Variants in NHEJ1 observed in about 807,000 individuals in gnomAD.
NHEJ1 encodes non-homologous end-joining factor 1.
A neutral mutation model predicts 39.4 loss-of-function variants in NHEJ1; 22 were observed. The ratio of observed to expected loss-of-function variants is 0.56; its 90% CI spans 0.40 to 0.80. The LOEUF is 0.80. Among genes scored for constraint, NHEJ1 ranks in the 30% least tolerant of loss-of-function variants. The pLI is 0.00. For missense variants in NHEJ1, 329 were observed against 357.1 expected (o/e 0.92, Z 0.63); for synonymous variants, 154 against 135.6 (o/e 1.14, Z -0.94).
rs976062999 is a variant in NHEJ1, at chr2:219,160,746, C to A, written c.-27G>T. On this transcript the variant is annotated 5_prime_UTR_variant, in exon 1 of 8. Coordinates refer to ENST00000356853, the MANE Select transcript of NHEJ1 (RefSeq NM_024782.3). ...GTCAGCGGCCGCGAGAGCGCCCACTCTCTTAGCCGCACGCACGCTTTCCTG... is the reference window on the plus strand; with the variant it reads ...GTCAGCGGCCGCGAGAGCGCCCACTATCTTAGCCGCACGCACGCTTTCCTG... The A allele has an allele frequency of 5.9e-5, 9 of 152,548 alleles. No homozygotes were observed. The highest frequency in any genetic ancestry group is 1.7e-4 in the African/African-American group (7 of 41,604). 9.4% of individuals were successfully genotyped at this position (152,548 alleles called of 1,614,324 possible).
In NHEJ1 at chr2:219,131,577, G is replaced by A. The variant is rs185388233; in HGVS notation, c.588+15103C>T. Among the ~76,000 whole-genome samples the A allele has an allele frequency of 3.1e-4, 47 of 152,310 alleles. 1 individual carries two copies. Among genetic ancestry groups the A allele is most frequent in the Non-Finnish European group, 1.0e-4 (7 of 68,022 alleles). ...AGCTAGATATTCATCTTGTTCTACT[G>A]TATCACTGTTTTGGCATTGTGCTAG... On this transcript the variant is annotated intron_variant, in intron 5 of 7. Transcript: ENST00000356853.
chr2:219,079,989 C>G (rs1949047793), intron 5 of NHEJ1, among the ~76,000 whole-genome samples: 2 of 152,170 alleles, frequency 1.3e-5, no homozygotes, highest in Non-Finnish European at 2.9e-5. Context: ...TTTCCTCCTG[C>G]CCTTTCCATG....
intron 5 of NHEJ1, among the ~76,000 whole-genome samples, chr2:219,117,490 T>G (rs1949426365): frequency 6.6e-6 from 1 of 152,210 alleles, no homozygotes; most frequent in African/African-American, 2.4e-5. Flanking sequence ...CCTGGTGCCC[T>G]GGGAGTTCCC....
intron 5 of NHEJ1, among the ~76,000 whole-genome samples, chr2:219,119,722 G>C (rs1052437293): frequency 6.6e-6 from 1 of 152,116 alleles, no homozygotes; most frequent in Non-Finnish European, 1.5e-5. Context: ...AATCCTAAAG[G>C]AATTTAATCT....
chr2:219,103,950 C>T (rs1165771299), intron 5 of NHEJ1, among the ~76,000 whole-genome samples: 2 of 152,134 alleles, frequency 1.3e-5, no homozygotes, highest in African/African-American at 2.4e-5. Flanking sequence ...CTAGAGCACA[C>T]ATATGTAAGG....
chr2:219,089,924 A>G (rs190203226), intron 5 of NHEJ1, among the ~76,000 whole-genome samples: 88 of 152,324 alleles, frequency 5.8e-4, no homozygotes, highest in Middle Eastern at 3.4e-3. Flanking sequence ...GATACCTACC[A>G]GTGGCTGAGA....
At chr2:219,079,991 C>G (rs1417085008) in intron 5 of NHEJ1, among the ~76,000 whole-genome samples, 1 of 152,180 alleles carries the variant, frequency 6.6e-6, no homozygotes, top group Non-Finnish European at 1.5e-5. Context: ...TCCTCCTGCC[C>G]TTTCCATGGA....
intron 5 of NHEJ1, among the ~76,000 whole-genome samples, chr2:219,095,842 T>C (rs1441665074): frequency 6.6e-6 from 1 of 152,072 alleles, no homozygotes; most frequent in Non-Finnish European, 1.5e-5. Context: ...ATGTATCCAT[T>C]TGACAACATC....
intron 5 of NHEJ1, among the ~76,000 whole-genome samples, chr2:219,130,755 A>C (rs1949570748): frequency 6.6e-6 from 1 of 152,198 alleles, no homozygotes; most frequent in Non-Finnish European, 1.5e-5. Flanking sequence ...CACAGCATCA[A>C]ATAAGCACTC....
At position 219,074,900 on chromosome 2, in the gene NHEJ1, G is replaced by A. The variant is rs150414669; in HGVS notation, c.*1481C>T. Among the ~76,000 whole-genome samples, 38 of 152,248 alleles carry A rather than the reference G, an allele frequency of 2.5e-4. 1 individual carries two copies. The East Asian group carries it at 6.7e-3, about 27-fold the overall frequency. ...AGTTATCAGCAGTGACTGGGAATGAGCCTTGGTGGAGATCTCAGACTCTGC... is the reference window on the plus strand; with the variant it reads ...AGTTATCAGCAGTGACTGGGAATGAACCTTGGTGGAGATCTCAGACTCTGC... On this transcript the variant is annotated 3_prime_UTR_variant, in exon 8 of 8. Coordinates refer to ENST00000356853, the MANE Select transcript of NHEJ1 (RefSeq NM_024782.3).
At chr2:219,108,061 A>C (rs980377031) in intron 5 of NHEJ1, among the ~76,000 whole-genome samples, 1 of 151,968 alleles carries the variant, frequency 6.6e-6, no homozygotes, top group Non-Finnish European at 1.5e-5. Context: ...CTTCCAGGTC[A>C]CTAATTGTGG....
At chr2:219,130,345 G>A (rs1362079450) in intron 5 of NHEJ1, among the ~76,000 whole-genome samples, 2 of 152,176 alleles carry the variant, frequency 1.3e-5, no homozygotes, top group African/African-American at 4.8e-5. Flanking sequence ...GAGAGGGGCT[G>A]TAATACTGCT....
At chr2:219,103,708 T>C (rs1949288055) in intron 5 of NHEJ1, among the ~76,000 whole-genome samples, 1 of 152,222 alleles carries the variant, frequency 6.6e-6, no homozygotes, top group Admixed American at 6.5e-5. Flanking sequence ...GTATATCTCA[T>C]TGAGCTCTCA....
intron 3 of NHEJ1, 67 bp from the exon 4 acceptor site, chr2:219,147,862 T>A: frequency 6.6e-7 from 1 of 1,522,432 alleles, no homozygotes; most frequent in South Asian, 1.1e-5. Flanking sequence ...CAGTATTAGG[T>A]ACCAGAAAAA....
chr2:219,098,420 T>C (rs1043399210), intron 5 of NHEJ1, among the ~76,000 whole-genome samples: 1 of 152,168 alleles, frequency 6.6e-6, no homozygotes, highest in Non-Finnish European at 1.5e-5. Flanking sequence ...ATTTCCTTGA[T>C]AGGTGAGATA....
intron 6 of NHEJ1, among the ~76,000 whole-genome samples, chr2:219,077,628 CAT>C (rs775686336): frequency 7.9e-5 from 12 of 152,004 alleles, no homozygotes; most frequent in Non-Finnish European, 1.5e-4. Flanking sequence ...TATTCCCTCA[CAT>C]GTCTCAGGTA....
At chr2:219,116,955 G>C (rs1448675000) in intron 5 of NHEJ1, among the ~76,000 whole-genome samples, 1 of 152,178 alleles carries the variant, frequency 6.6e-6, no homozygotes, top group Non-Finnish European at 1.5e-5. Context: ...GCAGTGAATA[G>C]AGCCAACAGA....
intron 1 of NHEJ1, chr2:219,158,745 A>G (rs1574750673): frequency 3.7e-6 from 1 of 273,884 alleles, no homozygotes; most frequent in East Asian, 8.9e-5. Flanking sequence ...TGTCACTCCT[A>G]TCCTTTCCCA....
intron 5 of NHEJ1, among the ~76,000 whole-genome samples, chr2:219,078,567 T>C (rs1240401514): frequency 1.3e-5 from 2 of 152,218 alleles, no homozygotes; most frequent in Non-Finnish European, 2.9e-5. Context: ...ACTATTTTCA[T>C]TAAATTCATT....
Sources: gnomAD v4.1 joint callset for allele counts (sites outside exome capture counted in the v4.1 genomes callset) on GRCh38, gnomAD v4.1.1 for gene constraint, MANE v1.5 for transcripts, NCBI Gene and HGNC (gene_info 2026-07-23, HGNC 2026-07-21) for gene names.